The following SLC8A3 variants were observed in gnomAD, a reference collection of about 807,000 sequenced individuals.
SLC8A3 encodes sodium/calcium exchanger 3.
A neutral mutation model predicts 65.4 loss-of-function variants in SLC8A3; 37 were observed. The ratio of observed to expected loss-of-function variants is 0.57; its 90% confidence interval spans 0.44 to 0.74. The LOEUF (loss-of-function observed/expected upper bound fraction) is 0.74. Ranked by LOEUF, SLC8A3 falls within the 30% of genes least tolerant of loss-of-function variation. The pLI, the probability that SLC8A3 is intolerant of heterozygous loss-of-function variation, is 0.00. For synonymous variants in SLC8A3, 461 were observed against 444.5 expected (o/e 1.04, Z -0.47); for missense variants, 1,112 against 1,172.1 (o/e 0.95, Z 0.75).
intron 5 of SLC8A3, 48 bp from the exon 6 acceptor site, chr14:70,049,090 A>G: frequency 6.5e-7 from 1 of 1,546,880 alleles, no homozygotes; most frequent in Non-Finnish European, 8.8e-7. Context: ...AAGTCAGATA[A>G]TCATTCATGA....
intron 1 of SLC8A3, among the ~76,000 whole-genome samples, chr14:70,169,815 T>C (rs915139743): frequency 1.3e-5 from 2 of 152,066 alleles, no homozygotes; most frequent in Non-Finnish European, 2.9e-5. Context: ...CCATATTTGC[T>C]CCTTTTTCTC....
rs551975052 is a variant in SLC8A3 at position 70,045,867 on chromosome 14, G to A, written c.*80C>T. The A allele has an allele frequency of 6.6e-6, 9 of 1,361,586 alleles. No homozygotes were observed. Among genetic ancestry groups the A allele is most frequent in the African/African-American group, 4.4e-5 (3 of 68,582 alleles). The allele number at this position is 1,361,586 out of a possible 1,614,324, so 84.3% of individuals were successfully genotyped here. ...GCTGCCTCTCCAGGGCAGTGCAGTC[G>A]GGAGAGATCACTGGTGGGGAAGTGC... On this transcript the variant is annotated 3_prime_UTR_variant, in exon 7 of 7. Transcript: ENST00000356921.
Position 70,045,923 on chromosome 14 carries a change from C to G in SLC8A3, c.*24G>C. ...TCTTAGGAGAAGTCCTAGGCCTGCC[C>G]TGCTGGAGGCTCTGTTGTGTGGCTT... On this transcript the variant is annotated 3_prime_UTR_variant, in exon 7 of 7. Transcript: ENST00000356921. 6.4e-7 allele frequency: 1 copy of G among 1,552,464 alleles called. No homozygotes were observed.
chr14:70,069,399 A>G (rs1310686260), intron 2 of SLC8A3, among the ~76,000 whole-genome samples: 1 of 151,914 alleles, frequency 6.6e-6, no homozygotes, highest in African/African-American at 2.4e-5. Context: ...ATGACTCTTT[A>G]CCCTGTCAAG....
chr14:70,108,186 T>C (rs922443067), intron 2 of SLC8A3, among the ~76,000 whole-genome samples: 1 of 152,142 alleles, frequency 6.6e-6, no homozygotes, highest in Non-Finnish European at 1.5e-5. Flanking sequence ...GAGATTCTCT[T>C]CCAAGTTGTC....
At position 70,049,689 on chromosome 14, in the gene SLC8A3, G is replaced by C. The variant is rs79743011; in HGVS notation, c.2114-647C>G. Among the ~76,000 whole-genome samples the C allele has an allele frequency of 1.8e-3, 281 of 152,224 alleles. 8 individuals carry two copies. The East Asian group carries it at 0.048, about 26-fold the overall frequency. On this transcript the variant is annotated intron_variant, in intron 5 of 6. Transcript: ENST00000356921. Reference sequence around the variant, plus strand: ...CATTTTGTTGTCTAAGGAGAGAAGTGAAATCAGTTCGGTGTGGCCACTCTT... The same window carrying C: ...CATTTTGTTGTCTAAGGAGAGAAGTCAAATCAGTTCGGTGTGGCCACTCTT...
chr14:70,164,807 G>C (rs7143465), intron 2 of SLC8A3, among the ~76,000 whole-genome samples: 23,118 of 152,074 alleles, frequency 0.15, 1,869 homozygotes, highest in Middle Eastern at 0.18. Flanking sequence ...CTGACATCGC[G>C]ATAATCATGT....
intron 2 of SLC8A3, among the ~76,000 whole-genome samples, chr14:70,071,946 A>G (rs1890050413): frequency 6.6e-6 from 1 of 152,124 alleles, no homozygotes; most frequent in South Asian, 2.1e-4. Flanking sequence ...TTTGGTATCT[A>G]TTCTGGACCC....
intron 2 of SLC8A3, among the ~76,000 whole-genome samples, chr14:70,093,821 G>T (rs1173084383): frequency 6.6e-6 from 1 of 152,170 alleles, no homozygotes; most frequent in African/African-American, 2.4e-5. Context: ...CATGAAAATG[G>T]AGCCTGTGTC....
intron 2 of SLC8A3, among the ~76,000 whole-genome samples, chr14:70,088,907 T>C (rs1891631244): frequency 2.0e-5 from 3 of 152,184 alleles, no homozygotes; most frequent in Non-Finnish European, 4.4e-5. Context: ...GAACACATTT[T>C]CTTTTTTTCA....
chr14:70,087,488 C>T (rs1465421465), intron 2 of SLC8A3, among the ~76,000 whole-genome samples: 2 of 152,300 alleles, frequency 1.3e-5, no homozygotes, highest in Non-Finnish European at 2.9e-5. Flanking sequence ...GCCATTTGAT[C>T]TCATTTATCT....
At chr14:70,122,934 C>A (rs990632617) in intron 2 of SLC8A3, among the ~76,000 whole-genome samples, 1 of 151,508 alleles carries the variant, frequency 6.6e-6, no homozygotes, top group Admixed American at 6.6e-5. Flanking sequence ...TAGCTGGGTG[C>A]GGTGGCGGGC....
At chr14:70,093,072 T>C (rs1257359322) in intron 2 of SLC8A3, among the ~76,000 whole-genome samples, 1 of 152,218 alleles carries the variant, frequency 6.6e-6, no homozygotes, top group Non-Finnish European at 1.5e-5. Flanking sequence ...AGCAAGCACA[T>C]GTCATAATGT....
chr14:70,168,570 A>G (rs1897318615), intron 1 of SLC8A3, 86 bp from the exon 2 acceptor site: 1 of 618,180 alleles, frequency 1.6e-6, no homozygotes, highest in African/African-American at 1.8e-5. Flanking sequence ...CTGATGCTTC[A>G]CCTCCAGTGA....
rs76482703 is a variant in SLC8A3 at position 70,168,393 on chromosome 14, G to T, written c.30C>A (p.Thr10=). 1.4e-3 allele frequency: 2,248 copies of T among 1,614,060 alleles called. 26 individuals are homozygous for T. The East Asian group carries it at 0.022, about 16-fold the overall frequency. The change falls in exon 2 of 7, where the codon ACC becomes ACA. Residue 10 remains threonine (T), a synonymous_variant. Coordinates refer to ENST00000356921, the MANE Select transcript of SLC8A3 (RefSeq NM_182932.3). The stretch of plus-strand genomic sequence containing the variant: ...CCAGCCCAAAATGGAGGAAGGCAGA[G>T]GTGAGAGGCTGCAACCTTAACCACG... MAWLRLQPL[T]SAFLHFGLVT...
At position 70,044,711 on chromosome 14, in the gene SLC8A3, A is replaced by G. The variant is rs780520470; in HGVS notation, c.*1236T>C. 7.9e-5 allele frequency: 12 copies of G among 152,204 alleles called. No homozygotes were observed. Among genetic ancestry groups the G allele is most frequent in the Non-Finnish European group, 1.6e-4 (11 of 68,038 alleles). 9.4% of individuals were successfully genotyped at this position (152,204 alleles called of 1,614,324 possible). On this transcript the variant is annotated 3_prime_UTR_variant, in exon 7 of 7. Transcript: ENST00000356921. ...GTTCCTATCTTGTAAAAATGCTTTCATATGTGACCTGAGGGACCAGGAGAG... is the reference window on the plus strand; with the variant it reads ...GTTCCTATCTTGTAAAAATGCTTTCGTATGTGACCTGAGGGACCAGGAGAG...
intron 1 of SLC8A3, among the ~76,000 whole-genome samples, chr14:70,169,388 A>C (rs1897353670): frequency 1.3e-5 from 2 of 152,206 alleles, no homozygotes; most frequent in African/African-American, 2.4e-5. Flanking sequence ...CAGTAACAGG[A>C]AGATGATCAT....
chr14:70,069,518 G>A (rs956007228), intron 2 of SLC8A3, among the ~76,000 whole-genome samples: 1 of 152,206 alleles, frequency 6.6e-6, no homozygotes, highest in Non-Finnish European at 1.5e-5. Flanking sequence ...TGGAGGAGCT[G>A]CGAACCTTTC....
intron 2 of SLC8A3, among the ~76,000 whole-genome samples, chr14:70,133,803 T>A (rs1217724950): frequency 6.6e-6 from 1 of 152,154 alleles, no homozygotes; most frequent in Non-Finnish European, 1.5e-5. Flanking sequence ...AGATGGGGTA[T>A]CAAAAATAAT....
Sources: gnomAD v4.1 joint callset for allele counts (sites outside exome capture counted in the v4.1 genomes callset) on GRCh38, gnomAD v4.1.1 for gene constraint, MANE v1.5 for transcripts, NCBI Gene and HGNC (gene_info 2026-07-23, HGNC 2026-07-21) for gene names.